The following LINGO2 variants were observed in gnomAD, a reference collection of about 807,000 sequenced individuals.
LINGO2 encodes the protein leucine-rich repeat and immunoglobulin-like domain-containing nogo receptor-interacting protein 2.
Under a neutral mutation model 30.6 loss-of-function variants are expected in LINGO2, and 14 were observed. The ratio of observed to expected loss-of-function variants is 0.46; its 90% CI spans 0.30 to 0.72. The LOEUF (loss-of-function observed/expected upper bound fraction) is 0.72, where lower values mean the gene tolerates loss of function less well. LINGO2 is among the 30% of genes least tolerant of loss of function. The pLI, the probability that LINGO2 is intolerant of heterozygous loss-of-function variation, is 0.07. For missense variants in LINGO2, 729 were observed against 751.7 expected (o/e 0.97, Z 0.35); for synonymous variants, 317 against 288.5 (o/e 1.10, Z -1.00).
chr9:28,671,825 T>A (rs917406346), upstream of LINGO2, among the ~76,000 whole-genome samples: 2 of 152,088 alleles, frequency 1.3e-5, no homozygotes, highest in African/African-American at 4.8e-5. Flanking sequence ...AAGTATAACT[T>A]TGTCAAGGCA....
intron 1 of LINGO2, among the ~76,000 whole-genome samples, chr9:28,487,472 A>G (rs111265055): frequency 1.4e-4 from 21 of 152,264 alleles, no homozygotes; most frequent in African/African-American, 5.1e-4. Flanking sequence ...CAAAATTTTA[A>G]AGGAAATTTA....
At chr9:28,750,216 A>T in the LINGO2 span, among the ~76,000 whole-genome samples, 1 of 152,152 alleles carries the variant, frequency 6.6e-6, no homozygotes, top group Non-Finnish European at 1.5e-5. Flanking sequence ...TGTCTTATCA[A>T]GAGAGGAAAT....
chr9:29,036,960 T>A, the LINGO2 span, among the ~76,000 whole-genome samples: 1 of 151,946 alleles, frequency 6.6e-6, no homozygotes, highest in African/African-American at 2.4e-5. Context: ...ACAAAAAAGA[T>A]TTGTTATAAT....
intron 5 of LINGO2, among the ~76,000 whole-genome samples, chr9:27,997,405 C>T (rs897124331): frequency 6.6e-5 from 10 of 152,118 alleles, no homozygotes; most frequent in East Asian, 1.9e-4. Flanking sequence ...CCCCTCCCCC[C>T]GTCATAAGTG....
chr9:29,128,366 A>G, the LINGO2 span, among the ~76,000 whole-genome samples: 2 of 151,710 alleles, frequency 1.3e-5, no homozygotes, highest in Non-Finnish European at 2.9e-5. Flanking sequence ...ATTCCACCTC[A>G]CTCCCCACTT....
At chr9:28,240,268 G>T (rs1821734257) in intron 4 of LINGO2, among the ~76,000 whole-genome samples, 1 of 151,948 alleles carries the variant, frequency 6.6e-6, no homozygotes, top group African/African-American at 2.4e-5. Flanking sequence ...CACAGAAATA[G>T]AAAAAACAAT....
At chr9:28,848,731 G>C in the LINGO2 span, among the ~76,000 whole-genome samples, 2 of 151,584 alleles carry the variant, frequency 1.3e-5, no homozygotes, top group African/African-American at 2.4e-5. Context: ...TATTTGAACA[G>C]GGTGAAAAGA....
At chr9:28,621,698 G>A (rs1826402026) in intron 1 of LINGO2, among the ~76,000 whole-genome samples, 1 of 151,964 alleles carries the variant, frequency 6.6e-6, no homozygotes, top group Non-Finnish European at 1.5e-5. Flanking sequence ...ATACTATGAA[G>A]ATACTATGTA....
chr9:28,302,966 CTT>C (rs1824205421), intron 3 of LINGO2, among the ~76,000 whole-genome samples: 1 of 152,112 alleles, frequency 6.6e-6, no homozygotes, highest in Non-Finnish European at 1.5e-5. Context: ...AAACTTGTGA[CTT>C]GTTAATTGTA....
chr9:29,191,781 C>T, the LINGO2 span, among the ~76,000 whole-genome samples: 1 of 152,078 alleles, frequency 6.6e-6, no homozygotes, highest in Non-Finnish European at 1.5e-5. Flanking sequence ...AGGCACAGTG[C>T]TAGGTCCCAG....
At chr9:28,735,820 A>C in the LINGO2 span, among the ~76,000 whole-genome samples, 6,792 of 152,164 alleles carry the variant, frequency 0.045, 216 homozygotes, top group Non-Finnish European at 0.069. Flanking sequence ...TTAAGCCATC[A>C]CATATTTGAA....
chr9:29,067,397 T>C, the LINGO2 span, among the ~76,000 whole-genome samples: 6,473 of 151,788 alleles, frequency 0.043, 207 homozygotes, highest in Admixed American at 0.083. Flanking sequence ...ATTGGAACTT[T>C]TAAAAACTAT....
the LINGO2 span, among the ~76,000 whole-genome samples, chr9:28,896,843 A>G: frequency 1.3e-5 from 2 of 152,094 alleles, no homozygotes; most frequent in African/African-American, 2.4e-5. Flanking sequence ...CTTTTTACAT[A>G]TCATCTATAG....
intron 1 of LINGO2, among the ~76,000 whole-genome samples, chr9:28,561,735 TTG>T (rs72145510): frequency 0.09 from 3,950 of 44,064 alleles, 595 homozygotes; most frequent in African/African-American, 0.2. Flanking sequence ...ATATATAATT[TTG>T]TGTGTGTGTG....
chr9:28,914,669 A>C, the LINGO2 span, among the ~76,000 whole-genome samples: 1 of 152,090 alleles, frequency 6.6e-6, no homozygotes, highest in Non-Finnish European at 1.5e-5. Context: ...CCAATTTTTC[A>C]TATATTTGGG....
At chr9:28,297,946 G>A (rs528350557) in intron 3 of LINGO2, among the ~76,000 whole-genome samples, 2 of 152,150 alleles carry the variant, frequency 1.3e-5, no homozygotes, top group African/African-American at 2.4e-5. Context: ...TGTATAAGTT[G>A]CTTTACACAA....
At chr9:28,194,354 T>A (rs1819932469) in intron 4 of LINGO2, among the ~76,000 whole-genome samples, 1 of 152,104 alleles carries the variant, frequency 6.6e-6, no homozygotes. Context: ...ACTAACCTAA[T>A]TAATCCTCCC....
At chr9:28,608,035 A>G (rs1825764583) in intron 1 of LINGO2, among the ~76,000 whole-genome samples, 1 of 152,042 alleles carries the variant, frequency 6.6e-6, no homozygotes, top group Admixed American at 6.6e-5. Context: ...CCAATTTATG[A>G]TCTAATCTGG....
chr9:28,451,686 T>G (rs898741841), intron 2 of LINGO2, among the ~76,000 whole-genome samples: 4 of 151,758 alleles, frequency 2.6e-5, no homozygotes, highest in African/African-American at 9.7e-5. Flanking sequence ...TAAATCTAAG[T>G]ATCTATGTTT....
Sources: gnomAD v4.1 joint callset for allele counts (sites outside exome capture counted in the v4.1 genomes callset) on GRCh38, gnomAD v4.1.1 for gene constraint, MANE v1.5 for transcripts, NCBI Gene and HGNC (gene_info 2026-07-23, HGNC 2026-07-21) for gene names.